Variants in VPS13C observed in about 807,000 individuals in gnomAD.
The protein encoded by VPS13C is vacuolar protein sorting 13 homolog C.
VPS13C carries 358 observed loss-of-function variants against 456.8 expected under a neutral mutation model. That is an observed-to-expected ratio of 0.78 (90% confidence interval 0.72 to 0.86). The LOEUF is 0.86. Ranked by LOEUF, VPS13C falls within the 40% of genes least tolerant of loss-of-function variation. The probability of loss-of-function intolerance (pLI) is 0.00; values close to 1 mark genes in which losing one functional copy is unlikely to be tolerated. For missense variants in VPS13C, 4,818 were observed against 4,385.4 expected, an observed-to-expected ratio of 1.10 and a Z score of -2.79; for synonymous variants, 1,578 against 1,486.7, an observed-to-expected ratio of 1.06 and a Z score of -1.41.
In VPS13C at chr15:61,877,012, A is replaced by T. The variant is rs747855315; in HGVS notation, c.10185T>A (p.Asp3395Glu). Residue 3395 changes from aspartate (D) to glutamate (E), a missense_variant, in exon 75 of 85, where the codon GAT (aspartate) becomes GAA (glutamate). By Grantham distance (45) the Asp-to-Glu change is conservative (BLOSUM62 2). Around this residue, in one of 3 missense-constraint regions of VPS13C, gnomAD observed 4,552 missense variants for 4,130.6 expected, o/e 1.10. Transcript: ENST00000644861. Reference protein sequence around the residue: ...YEIRYQFYKRDQLIWSVVRHY... With the variant: ...YEIRYQFYKREQLIWSVVRHY... ...GCCTAACAACACTCCATATAAGCTG[A>T]TCTCTCTTGTAGAACTGATATCGAA... 1 of 1,610,172 alleles carries T rather than the reference A, an allele frequency of 6.2e-7. No individual in the cohort carries two copies. Among genetic ancestry groups the T allele is most frequent in the Non-Finnish European group, 8.5e-7 (1 of 1,177,790 alleles).
chr15:62,012,941 C>G, intron 11 of VPS13C, 98 bp downstream of exon 11: 1 of 668,654 alleles, frequency 1.5e-6, no homozygotes, highest in East Asian at 3.0e-5. Flanking sequence ...ACAAGTTAAA[C>G]AAATGGCTGA....
At chr15:62,049,346 T>C (rs1309526878) in intron 1 of VPS13C, among the ~76,000 whole-genome samples, 1 of 152,244 alleles carries the variant, frequency 6.6e-6, no homozygotes, top group Non-Finnish European at 1.5e-5. Flanking sequence ...CCCAGCACCA[T>C]TTATTACATA....
At chr15:61,889,238 A>G (rs1398251840) in intron 67 of VPS13C, among the ~76,000 whole-genome samples, 1 of 152,138 alleles carries the variant, frequency 6.6e-6, no homozygotes, top group Non-Finnish European at 1.5e-5. Context: ...GACCTATATA[A>G]CTAAAAATGA....
rs758075160 is a variant in VPS13C, at chr15:61,949,479, G to T, written c.4723C>A (p.Leu1575Ile). ...SSEKESELKP[L>I]VGESRSIAVK... The stretch of plus-strand genomic sequence containing the variant: ...GCGATACTTCTGGACTCCCCCACAA[G>T]TGGTTTCAGCTCGGATTCCTTCTCA... Residue 1575 changes from leucine (L) to isoleucine (I), a missense_variant, in exon 42 of 85, where the codon CTT becomes ATT. This residue lies in a region of VPS13C where 4,552 missense variants were observed against 4,130.6 expected (regional missense o/e 1.10). Coordinates refer to ENST00000644861, the MANE Select transcript of VPS13C (RefSeq NM_020821.3). 2.7e-5 allele frequency: 44 copies of T among 1,613,458 alleles called. No homozygotes were observed. In the Admixed American group the frequency reaches 7.4e-4, roughly 27 times the overall value.
chr15:61,917,725 T>C (rs1391180060), intron 59 of VPS13C, 90 bp from the exon 60 acceptor site: 67 of 1,362,736 alleles, frequency 4.9e-5, no homozygotes, highest in South Asian at 1.0e-4. Flanking sequence ...CTCTACAAGA[T>C]AGGTGCTATT....
Position 61,922,614 on chromosome 15 carries a change from C to A in VPS13C, c.6758G>T (p.Gly2253Val). The A allele has an allele frequency of 6.2e-7, 1 of 1,614,048 alleles. No homozygotes were observed. ...CGTTATTTCTGTTGCCGTGTCAACA[C>A]CAAGAAACCAAGTGTTATAATCATT... ...SINDYNTWFL[G>V]VDTATEITES... Residue 2253 changes from glycine to valine, a missense_variant, in exon 54 of 85, where the codon GGT (glycine) becomes GTT (valine). Coordinates refer to ENST00000644861, the MANE Select transcript of VPS13C (RefSeq NM_020821.3).
intron 2 of VPS13C, among the ~76,000 whole-genome samples, chr15:62,042,037 T>G (rs1031700909): frequency 1.3e-5 from 2 of 151,544 alleles, no homozygotes; most frequent in African/African-American, 4.8e-5. Context: ...AAAAGAAGAG[T>G]CTTTTTGCAT....
intron 32 of VPS13C, among the ~76,000 whole-genome samples, chr15:61,963,587 C>A (rs2045285008): frequency 6.6e-6 from 1 of 152,082 alleles, no homozygotes; most frequent in African/African-American, 2.4e-5. Context: ...ACATCAGTAT[C>A]CCTTTTCCAC....
At chr15:61,865,889 A>G (rs17238127) in intron 81 of VPS13C, 33,266 of 964,876 alleles carry the variant, frequency 0.034, 1,164 homozygotes, top group East Asian at 0.21. Context: ...AAAGCTGCAT[A>G]TTAAAGAATA....
chr15:61,930,559 A>C (rs971444696), intron 50 of VPS13C, among the ~76,000 whole-genome samples: 2 of 152,240 alleles, frequency 1.3e-5, no homozygotes, highest in Non-Finnish European at 2.9e-5. Flanking sequence ...AAAAATAAAA[A>C]CATAATTAGG....
intron 45 of VPS13C, among the ~76,000 whole-genome samples, chr15:61,944,654 A>C (rs2044545979): frequency 2.0e-5 from 3 of 152,140 alleles, no homozygotes; most frequent in Admixed American, 2.0e-4. Flanking sequence ...GGAAAGGGGG[A>C]AAAAGTTGAA....
chr15:61,998,363 CCTA>C lies in VPS13C; in HGVS notation c.1353+2198_1353+2200del, dbSNP rs2046464426. Among the ~76,000 whole-genome samples, 3 of 152,008 alleles carry C rather than the reference CCTA, an allele frequency of 2.0e-5. No homozygotes were observed. In the South Asian group the frequency reaches 6.2e-4, roughly 31 times the overall value. ...ATTGAAGTACTTATTAACCTTGTCC[CCTA>C]CTACAATATAAATAAAAGATTTTTG... On this transcript the variant is annotated intron_variant, in intron 16 of 84. Coordinates refer to ENST00000644861, the MANE Select transcript of VPS13C (RefSeq NM_020821.3).
At chr15:62,051,737 A>G (rs1001530263) in intron 1 of VPS13C, among the ~76,000 whole-genome samples, 3 of 152,236 alleles carry the variant, frequency 2.0e-5, no homozygotes, top group Non-Finnish European at 4.4e-5. Flanking sequence ...TAACAAGGGC[A>G]CAGGCAGAAC....
At chr15:62,028,758 G>C (rs1265264105) in intron 5 of VPS13C, among the ~76,000 whole-genome samples, 2 of 151,792 alleles carry the variant, frequency 1.3e-5, no homozygotes, top group East Asian at 3.9e-4. Context: ...TTCTCTTTTT[G>C]CATGCCATTT....
At chr15:61,908,895 T>C (rs2043219525) in intron 65 of VPS13C, 97 bp downstream of exon 65, 29 of 1,444,438 alleles carry the variant, frequency 2.0e-5, no homozygotes, top group Non-Finnish European at 2.7e-5. Flanking sequence ...ATCACCTTTC[T>C]AAAATCTAAA....
intron 74 of VPS13C, 47 bp from the exon 75 acceptor site, chr15:61,877,101 T>TA (rs779782370): frequency 8.3e-6 from 12 of 1,450,226 alleles, no homozygotes; most frequent in Admixed American, 2.2e-5. Context: ...TATTATATGA[T>TA]AAAAAAAGAG....
intron 29 of VPS13C, 134 bp from the exon 30 acceptor site, chr15:61,966,276 A>T: frequency 2.1e-6 from 1 of 487,212 alleles, no homozygotes; most frequent in Non-Finnish European, 3.5e-6. Flanking sequence ...TTTTATTGCC[A>T]TTATTTTAAA....
intron 81 of VPS13C, chr15:61,865,260 TA>T: frequency 1.0e-6 from 1 of 983,112 alleles, no homozygotes; most frequent in Admixed American, 6.2e-5. Context: ...AAACAAGATA[TA>T]AAAAAGCAAA....
Position 61,941,928 on chromosome 15 carries a change from G to A in VPS13C, c.5288C>T (p.Pro1763Leu), listed in dbSNP as rs772082258. 8.1e-6 allele frequency: 13 copies of A among 1,613,784 alleles called. No individual in the cohort carries two copies. The highest frequency in any genetic ancestry group is 2.7e-5 in the African/African-American group (2 of 74,890). The change falls in exon 46 of 85, where the codon CCA becomes CTA. Residue 1763 changes from proline (P) to leucine (L), a missense_variant. Transcript: ENST00000644861. ...RLLMDINLKA[P>L]VIIIPQSSVS... ...TGAAGACTGAGGAATAATAATAACT[G>A]GTGCTTTCAAATTAATATCCATCAA...
Sources: allele counts gnomAD v4.1 joint callset (sites outside exome capture counted in the v4.1 genomes callset), GRCh38; gene constraint gnomAD v4.1.1; regional missense constraint gnomAD v4.1.1; transcripts MANE v1.5; gene names NCBI Gene and HGNC (gene_info 2026-07-23, HGNC 2026-07-21).